The following FOXJ1 variants were observed in gnomAD, a reference collection of about 807,000 sequenced individuals.
FOXJ1 encodes the protein forkhead box J1.
Under a neutral mutation model 29.3 loss-of-function variants are expected in FOXJ1, and 8 were observed. That is an observed-to-expected ratio of 0.27 (90% CI 0.16 to 0.49). FOXJ1 has a LOEUF of 0.49. Among genes scored for constraint, FOXJ1 ranks in the 20% least tolerant of loss-of-function variants. The probability of loss-of-function intolerance (pLI) is 0.98; values close to 1 mark genes in which losing one functional copy is unlikely to be tolerated. For missense variants in FOXJ1, 539 were observed against 595.5 expected (o/e 0.91, Z 0.99); for synonymous variants, 280 against 278.7 (o/e 1.00, Z -0.05).
At position 76,140,231 on chromosome 17, in the gene FOXJ1, C is replaced by T. The variant is rs911341962; in HGVS notation, c.165G>A (p.Gly55=). ...LNAKAPALPP[G]GTDPHGYHQV... ...GGTGGTAGCCGTGGGGGTCGGTGCC[C>T]CCCGGGGGCAGGGCGGGGGCCTTGG... Residue 55 remains glycine (G), a synonymous_variant, in exon 2 of 3, where the codon GGG becomes GGA. Coordinates refer to ENST00000322957, the MANE Select transcript of FOXJ1 (RefSeq NM_001454.4). The surrounding 1 kb of genome is among the most constrained non-coding windows in gnomAD (Gnocchi z 8.0). 2 of 1,457,380 alleles carry T rather than the reference C, an allele frequency of 1.4e-6. No homozygotes were observed. Among genetic ancestry groups the T allele is most frequent in the Non-Finnish European group, 1.8e-6 (2 of 1,116,172 alleles). The allele number at this position is 1,457,380 out of a possible 1,614,324, so 90.3% of individuals were successfully genotyped here.
In FOXJ1 at chr17:76,140,114, C is replaced by G; in HGVS notation, c.282G>C (p.Ser94=). 6.3e-7 allele frequency: 1 copy of G among 1,592,656 alleles called. No individual in the cohort carries two copies. Among genetic ancestry groups the G allele is most frequent in the Non-Finnish European group, 8.5e-7 (1 of 1,175,684 alleles). ...CCGGGGGCGCGCTCCGCGACGTGCA[C>G]GACGACGTGGGCTTGCCCGGCGTGT... The part of the protein sequence containing the change: ...QPHTPGKPTS[S]CTSRSAPPGL... Residue 94 remains serine, a synonymous_variant, in exon 2 of 3, where the codon TCG becomes TCC. Coordinates refer to ENST00000322957, the MANE Select transcript of FOXJ1 (RefSeq NM_001454.4). This position sits in a 1 kb window ranked among gnomAD's most constrained non-coding sequence, Gnocchi z 8.0.
rs774608215 is a variant in FOXJ1 at position 76,140,096 on chromosome 17, C to T, written c.300G>A (p.Ala100=). ...GGGGTGGGGCCTGCAGCCCCGGGGG[C>T]GCGCTCCGCGACGTGCACGACGACG... ...KPTSSCTSRS[A]PPGLQAPPPD... The change falls in exon 2 of 3, where the codon GCG becomes GCA. Residue 100 remains alanine (A), a synonymous_variant. Transcript: ENST00000322957. The surrounding 1 kb of genome is among the most constrained non-coding windows in gnomAD (Gnocchi z 8.0). 1.1e-5 allele frequency: 17 copies of T among 1,601,912 alleles called. No homozygotes were observed. Among genetic ancestry groups the T allele is most frequent in the Admixed American group, 1.7e-5 (1 of 59,746 alleles).
intron 2 of FOXJ1, among the ~76,000 whole-genome samples, 192 bp from the exon 3 acceptor site, chr17:76,138,312 G>C (rs1318307636): frequency 6.6e-6 from 1 of 152,214 alleles, no homozygotes; most frequent in Non-Finnish European, 1.5e-5. Context: ...TGGGAGCCCG[G>C]AGTGCTGTCG....
intron 2 of FOXJ1, among the ~76,000 whole-genome samples, chr17:76,138,736 T>C (rs1422084734): frequency 6.6e-6 from 1 of 152,068 alleles, no homozygotes; most frequent in Non-Finnish European, 1.5e-5. Context: ...AGCATAGCAC[T>C]CATTCCTGGG....
chr17:76,138,572 G>A (rs2665984), intron 2 of FOXJ1, among the ~76,000 whole-genome samples: 2 of 151,582 alleles, frequency 1.3e-5, no homozygotes, highest in Non-Finnish European at 2.9e-5. Context: ...TGGAGAGGAA[G>A]GGGGAGAGAG....
At chr17:76,138,878 T>G (rs1019231158) in intron 2 of FOXJ1, among the ~76,000 whole-genome samples, 1 of 152,226 alleles carries the variant, frequency 6.6e-6, no homozygotes, top group Non-Finnish European at 1.5e-5. Flanking sequence ...ACTGCGGTCC[T>G]GTGGCCTGCC....
Position 76,140,493 on chromosome 17 carries a change from T to G in FOXJ1, c.-98A>C. The G allele has an allele frequency of 9.2e-7, 1 of 1,091,194 alleles. No individual in the cohort carries two copies. Among genetic ancestry groups the G allele is most frequent in the Non-Finnish European group, 1.2e-6 (1 of 829,304 alleles). 67.6% of individuals were successfully genotyped at this position (1,091,194 alleles called of 1,614,324 possible). A position where few individuals can be genotyped will look rare whatever the true frequency, so the allele number is the denominator to read the frequency against. ...GCCCGCTGAGTCCCGCAGCTCCCGT[T>G]ACACGGCCTCCCGGACGCGCGCTTC... On this transcript the variant is annotated 5_prime_UTR_variant, in exon 2 of 3. An upstream open reading frame in the 5' UTR loses its in-frame stop. Coordinates refer to ENST00000322957, the MANE Select transcript of FOXJ1 (RefSeq NM_001454.4). The surrounding 1 kb of genome is among the most constrained non-coding windows in gnomAD (Gnocchi z 8.0).
intron 2 of FOXJ1, 86 bp from the exon 3 acceptor site, chr17:76,138,206 AC>A (rs979511691): frequency 1.2e-5 from 17 of 1,406,312 alleles, no homozygotes; most frequent in African/African-American, 1.4e-5. Context: ...GCTGCTGCGC[AC>A]CCCCCATCTT....
Position 76,137,564 on chromosome 17 carries a change from TGGC to T in FOXJ1, c.1052_1054del (p.Arg351del), listed in dbSNP as rs1568012069. 6.3e-7 allele frequency: 1 copy of T among 1,597,262 alleles called. No individual in the cohort carries two copies. On this transcript the variant is annotated inframe_deletion, in exon 3 of 3. Coordinates refer to ENST00000322957, the MANE Select transcript of FOXJ1 (RefSeq NM_001454.4). This position sits in a 1 kb window ranked among gnomAD's most constrained non-coding sequence, Gnocchi z 9.5. ...CCCCCAGGTGGCAGGGCAGTCGATGTGGCGGCCGTGGATGGTGAGGTCCACGTC... is the reference window on the plus strand; with the variant it reads ...CCCCCAGGTGGCAGGGCAGTCGATGTGGCCGTGGATGGTGAGGTCCACGTC...
rs537653214 is a variant in FOXJ1, at chr17:76,139,125, G to T, written c.498+773C>A. Among the ~76,000 whole-genome samples, 1 of 152,284 alleles carries T rather than the reference G, an allele frequency of 6.6e-6. No homozygotes were observed. Among genetic ancestry groups the T allele is most frequent in the Non-Finnish European group, 1.5e-5 (1 of 68,024 alleles). On this transcript the variant is annotated intron_variant, in intron 2 of 2. Transcript: ENST00000322957. This position sits in a 1 kb window ranked among gnomAD's most constrained non-coding sequence, Gnocchi z 6.6. The stretch of plus-strand genomic sequence containing the variant: ...TGGATAATGCCCGGCAGCAAGGCTG[G>T]GATGTTTACATGGTGGCCTGGGCCC...
rs774098988 is a variant in FOXJ1, at chr17:76,137,821, G to A, written c.798C>T (p.Gly266=). The stretch of plus-strand genomic sequence containing the variant: ...TGCGCTTATGCCCCAGCCTGCCCTC[G>A]CCTGCACCCCAGCCCGCCTCCCCGG... ...EATGEAGWGA[G]EGRLGHKRKQ... The change falls in exon 3 of 3, where the codon GGC becomes GGT. Residue 266 remains glycine (G), a synonymous_variant. Coordinates refer to ENST00000322957, the MANE Select transcript of FOXJ1 (RefSeq NM_001454.4). The surrounding 1 kb of genome is among the most constrained non-coding windows in gnomAD (Gnocchi z 9.5). 10 of 1,597,104 alleles carry A rather than the reference G, an allele frequency of 6.3e-6. No homozygotes were observed. Among genetic ancestry groups the A allele is most frequent in the Non-Finnish European group, 8.5e-6 (10 of 1,172,472 alleles).
rs1322876149 is a variant in FOXJ1 at position 76,138,138 on chromosome 17, G to T, written c.499-18C>A. ...ATTGAATTCTGGGTGCAGGGAGAGA[G>T]CAAGAGAGAGAGGAACCGCTAGGTC... On this transcript the variant is annotated intron_variant, in intron 2 of 2. Transcript: ENST00000322957. The T allele has an allele frequency of 6.2e-7, 1 of 1,612,888 alleles. No homozygotes were observed. The highest frequency in any genetic ancestry group is 2.2e-5 in the East Asian group (1 of 44,874).
At position 76,136,821 on chromosome 17, in the gene FOXJ1, T is replaced by C; in HGVS notation, c.*532A>G. On this transcript the variant is annotated 3_prime_UTR_variant, in exon 3 of 3. Transcript: ENST00000322957. This position sits in a 1 kb window ranked among gnomAD's most constrained non-coding sequence, Gnocchi z 4.9. Reference sequence around the variant, plus strand: ...CTCCTCTCTCTGCCCCCTCCCCCAGTCCATCTTCTGCCCTGCTCCGCCCCA... The same window carrying C: ...CTCCTCTCTCTGCCCCCTCCCCCAGCCCATCTTCTGCCCTGCTCCGCCCCA... 1 of 150,640 alleles carries C rather than the reference T, an allele frequency of 6.6e-6. No individual in the cohort carries two copies. Among genetic ancestry groups the C allele is most frequent in the Non-Finnish European group, 1.5e-5 (1 of 67,894 alleles). 9.3% of individuals were successfully genotyped at this position (150,640 alleles called of 1,614,324 possible).
chr17:76,138,689 C>T (rs1396027542), intron 2 of FOXJ1, among the ~76,000 whole-genome samples: 1 of 152,164 alleles, frequency 6.6e-6, no homozygotes, highest in African/African-American at 2.4e-5. Context: ...TCCCCCCACT[C>T]CAGGCTCAGT....
Position 76,137,252 on chromosome 17 carries a change from C to T in FOXJ1, c.*101G>A. On this transcript the variant is annotated 3_prime_UTR_variant, in exon 3 of 3. Coordinates refer to ENST00000322957, the MANE Select transcript of FOXJ1 (RefSeq NM_001454.4). This position sits in a 1 kb window ranked among gnomAD's most constrained non-coding sequence, Gnocchi z 9.5. The stretch of plus-strand genomic sequence containing the variant: ...TGGGGCAAGCCTTGGAGCCCTGGCC[C>T]AGCCCCTGCCTAGGTGGTGGGGTGT... The T allele has an allele frequency of 8.9e-7, 1 of 1,117,674 alleles. No homozygotes were observed. Among genetic ancestry groups the T allele is most frequent in the Non-Finnish European group, 1.2e-6 (1 of 838,106 alleles). 69.2% of individuals were successfully genotyped at this position (1,117,674 alleles called of 1,614,324 possible). A position where few individuals can be genotyped will look rare whatever the true frequency, so the allele number is the denominator to read the frequency against.
chr17:76,138,211 C>A, intron 2 of FOXJ1, 91 bp from the exon 3 acceptor site: 1 of 1,392,326 alleles, frequency 7.2e-7, no homozygotes, highest in Admixed American at 1.9e-5. Context: ...TGCGCACCCC[C>A]CATCTTTTCT....
At chr17:76,138,463 G>A (rs1044609813) in intron 2 of FOXJ1, among the ~76,000 whole-genome samples, 1 of 152,124 alleles carries the variant, frequency 6.6e-6, no homozygotes, top group Non-Finnish European at 1.5e-5. Flanking sequence ...CAAAGCCCTC[G>A]GCTCCCCCAG....
chr17:76,139,876 C>T lies in FOXJ1; in HGVS notation c.498+22G>A. The T allele has an allele frequency of 6.4e-7, 1 of 1,564,842 alleles. No homozygotes were observed. The highest frequency in any genetic ancestry group is 2.4e-5 in the East Asian group (1 of 41,744). ...CGAGGAGGGAATGGGGAGGGAGCGGCCGCCGCCCGTGCCTCCTCTACCTGC... is the reference window on the plus strand; with the variant it reads ...CGAGGAGGGAATGGGGAGGGAGCGGTCGCCGCCCGTGCCTCCTCTACCTGC... On this transcript the variant is annotated intron_variant, in intron 2 of 2. Coordinates refer to ENST00000322957, the MANE Select transcript of FOXJ1 (RefSeq NM_001454.4). This position sits in a 1 kb window ranked among gnomAD's most constrained non-coding sequence, Gnocchi z 6.6.
chr17:76,137,277 T>G lies in FOXJ1; in HGVS notation c.*76A>C. 2 of 1,270,576 alleles carry G rather than the reference T, an allele frequency of 1.6e-6. No homozygotes were observed. The highest frequency in any genetic ancestry group is 2.1e-6 in the Non-Finnish European group (2 of 975,594). 78.7% of individuals were successfully genotyped at this position (1,270,576 alleles called of 1,614,324 possible). On this transcript the variant is annotated 3_prime_UTR_variant, in exon 3 of 3. Coordinates refer to ENST00000322957, the MANE Select transcript of FOXJ1 (RefSeq NM_001454.4). The surrounding 1 kb of genome is among the most constrained non-coding windows in gnomAD (Gnocchi z 9.5). Reference sequence around the variant, plus strand: ...CAGCCCCTGCCTAGGTGGTGGGGTGTCTGTGGACCTGTGTTGGGGGGCAGT... The same window carrying G: ...CAGCCCCTGCCTAGGTGGTGGGGTGGCTGTGGACCTGTGTTGGGGGGCAGT...
Sources: gnomAD v4.1 joint callset for allele counts (sites outside exome capture counted in the v4.1 genomes callset) on GRCh38, gnomAD v4.1.1 for gene constraint, Gnocchi (gnomAD v3.1) non-coding constraint, MANE v1.5 for transcripts, NCBI Gene and HGNC (gene_info 2026-07-23, HGNC 2026-07-21) for gene names.